Variants in APC observed in about 807,000 individuals in gnomAD.
APC encodes APC regulator of Wnt signaling pathway.
APC carries 72 observed loss-of-function variants against 247.0 expected under a neutral mutation model. The ratio of observed to expected loss-of-function variants is 0.29; its 90% confidence interval spans 0.24 to 0.35. APC has a LOEUF of 0.35. Ranked by LOEUF, APC falls within the 10% of genes least tolerant of loss-of-function variation. The pLI, the probability that APC is intolerant of heterozygous loss-of-function variation, is 1.00. For missense variants in APC, 3,400 were observed against 3,360.7 expected, an observed-to-expected ratio of 1.01 and a Z score of -0.29; for synonymous variants, 1,254 against 1,162.5, an observed-to-expected ratio of 1.08 and a Z score of -1.60.
intron 4 of APC, among the ~76,000 whole-genome samples, chr5:112,774,296 T>G (rs1416738145): frequency 6.6e-6 from 1 of 152,212 alleles, no homozygotes; most frequent in East Asian, 1.9e-4. Flanking sequence ...TCCTAAAGTT[T>G]TTGAGTAACA....
chr5:112,838,646 G>A lies in APC; in HGVS notation c.3052G>A (p.Asp1018Asn), dbSNP rs587778038. 1 of 1,614,172 alleles carries A rather than the reference G, an allele frequency of 6.2e-7. No homozygotes were observed. Among genetic ancestry groups the A allele is most frequent in the Non-Finnish European group, 8.5e-7 (1 of 1,180,022 alleles). The change falls in exon 16 of 16, where the codon GAT (aspartate) becomes AAT (asparagine). Residue 1018 changes from aspartate (D) to asparagine (N), a missense_variant. Coordinates refer to ENST00000257430, the MANE Select transcript of APC (RefSeq NM_000038.6). ...TAGTGCAAATCATATGGATGATAAT[G>A]ATGGAGAACTAGATACACCAATAAA... Reference protein sequence around the residue: ...IHSANHMDDNDGELDTPINYS... With the variant: ...IHSANHMDDNNGELDTPINYS...
intron 4 of APC, among the ~76,000 whole-genome samples, chr5:112,772,714 A>G (rs996897835): frequency 6.6e-6 from 1 of 151,976 alleles, no homozygotes; most frequent in Non-Finnish European, 1.5e-5. Flanking sequence ...ACGGGGTTTC[A>G]CCATGTTGGC....
At position 112,840,147 on chromosome 5, in the gene APC, A is replaced by G. The variant is rs1554085963; in HGVS notation, c.4553A>G (p.Lys1518Arg). The change falls in exon 16 of 16, where the codon AAA becomes AGA. Residue 1518 changes from lysine to arginine, a missense_variant. This residue lies in a region of APC where 1,788 missense variants were observed against 1,649.5 expected (regional missense o/e 1.08). Coordinates refer to ENST00000257430, the MANE Select transcript of APC (RefSeq NM_000038.6). This position sits in a 1 kb window ranked among gnomAD's most constrained non-coding sequence, Gnocchi z 4.1. Reference sequence around the variant, plus strand: ...AGCCTCGATGAGCCATTTATACAGAAAGATGTGGAATTAAGAATAATGCCT... The same window carrying G: ...AGCCTCGATGAGCCATTTATACAGAGAGATGTGGAATTAAGAATAATGCCT... ...ALSLDEPFIQ[K>R]DVELRIMPPV... 6.2e-7 allele frequency: 1 copy of G among 1,614,196 alleles called. No homozygotes were observed. The highest frequency in any genetic ancestry group is 1.1e-5 in the South Asian group (1 of 91,084).
chr5:112,729,089 T>C (rs1032506962), intron 1 of APC, among the ~76,000 whole-genome samples: 4 of 152,226 alleles, frequency 2.6e-5, no homozygotes, highest in Admixed American at 2.0e-4. Context: ...TATTAAAACT[T>C]CTTCTGTAAA....
intron 2 of APC, among the ~76,000 whole-genome samples, chr5:112,757,843 A>G (rs886202115): frequency 6.6e-6 from 1 of 152,222 alleles, no homozygotes; most frequent in African/African-American, 2.4e-5. Context: ...CAGCCAGGGA[A>G]ATAAGTGTTT....
At chr5:112,728,273 G>A (rs74441146) in intron 1 of APC, among the ~76,000 whole-genome samples, 1 of 151,874 alleles carries the variant, frequency 6.6e-6, no homozygotes, top group Admixed American at 6.6e-5. Context: ...GATTACAGGC[G>A]CCCACCACCA....
At chr5:112,711,264 T>A (rs948800613) in intron 1 of APC, among the ~76,000 whole-genome samples, 3 of 152,200 alleles carry the variant, frequency 2.0e-5, no homozygotes, top group Non-Finnish European at 4.4e-5. Context: ...CAGGGTTGCA[T>A]GTTCTTTATG....
intron 1 of APC, among the ~76,000 whole-genome samples, chr5:112,718,122 T>C (rs1561401953): frequency 6.6e-6 from 1 of 152,000 alleles, no homozygotes; most frequent in East Asian, 1.9e-4. Context: ...TTTTACAGTT[T>C]TCAATTTTAA....
intron 15 of APC, among the ~76,000 whole-genome samples, chr5:112,836,283 G>A (rs770347435): frequency 2.7e-5 from 4 of 150,232 alleles, no homozygotes; most frequent in South Asian, 4.2e-4. Flanking sequence ...CGCCCACCTC[G>A]GCCTCCCAAA....
At chr5:112,782,692 A>AT (rs1758481600) in intron 6 of APC, among the ~76,000 whole-genome samples, 1 of 152,222 alleles carries the variant, frequency 6.6e-6, no homozygotes, top group African/African-American at 2.4e-5. Context: ...GAAAATATAC[A>AT]TAAGTATGTT....
chr5:112,783,060 A>G (rs1487953407), intron 6 of APC, among the ~76,000 whole-genome samples: 3 of 152,186 alleles, frequency 2.0e-5, no homozygotes, highest in Non-Finnish European at 4.4e-5. Flanking sequence ...GATACTGTAG[A>G]CATAAGTTAG....
At chr5:112,742,526 C>T (rs1218874054) in intron 1 of APC, among the ~76,000 whole-genome samples, 1 of 152,176 alleles carries the variant, frequency 6.6e-6, no homozygotes, top group Non-Finnish European at 1.5e-5. Flanking sequence ...ATCTGAAGGG[C>T]TTGACTAGAC....
intron 14 of APC, among the ~76,000 whole-genome samples, chr5:112,832,147 T>C (rs1463180229): frequency 6.6e-6 from 1 of 152,242 alleles, no homozygotes; most frequent in Non-Finnish European, 1.5e-5. Flanking sequence ...TTTTGTGTCT[T>C]CTAATTTGAA....
intron 1 of APC, among the ~76,000 whole-genome samples, chr5:112,746,649 C>G: frequency 6.6e-6 from 1 of 152,108 alleles, no homozygotes; most frequent in East Asian, 1.9e-4. Flanking sequence ...CCACTACTAA[C>G]AAAAACTTTA....
chr5:112,783,290 A>G (rs1212872542), intron 6 of APC, among the ~76,000 whole-genome samples: 1 of 152,204 alleles, frequency 6.6e-6, no homozygotes, highest in Non-Finnish European at 1.5e-5. Context: ...GGAATGCCGT[A>G]TCCTTCATTT....
At chr5:112,834,494 CA>C (rs1561567277) in intron 14 of APC, among the ~76,000 whole-genome samples, 1 of 149,592 alleles carries the variant, frequency 6.7e-6, no homozygotes, top group East Asian at 1.9e-4. Context: ...ATCCACCCGT[CA>C]GCCTCCCAAA....
chr5:112,834,919 AATTAGATGACCC>A lies in APC; in HGVS notation c.1744-29_1744-18del. On this transcript the variant is annotated intron_variant, in intron 14 of 15. Transcript: ENST00000257430. ...TTAATGAGAGACAAATTCCAACTCT[AATTAGATGACCC>A]ATATTCTGTTTCTTACTAGGAATCA... The A allele has an allele frequency of 6.3e-7, 1 of 1,577,762 alleles. No homozygotes were observed. Among genetic ancestry groups the A allele is most frequent in the Non-Finnish European group, 8.7e-7 (1 of 1,147,092 alleles).
chr5:112,733,668 C>T (rs1450985542), upstream of APC, among the ~76,000 whole-genome samples: 1 of 152,186 alleles, frequency 6.6e-6, no homozygotes, highest in East Asian at 1.9e-4. Flanking sequence ...GACTTCTGAC[C>T]TACAAAACTG....
Position 112,841,127 on chromosome 5 carries a change from C to T in APC, c.5533C>T (p.His1845Tyr), listed in dbSNP as rs1060503338. 3 of 1,612,390 alleles carry T rather than the reference C, an allele frequency of 1.9e-6. No homozygotes were observed. Among genetic ancestry groups the T allele is most frequent in the African/African-American group, 1.3e-5 (1 of 74,872 alleles). ...AAGTTTTGCTTTTGATTCACCTCAT[C>T]ATTACACGCCTATTGAAGGAACTCC... is the stretch of plus-strand genomic sequence containing the variant. ...RGSFAFDSPH[H>Y]YTPIEGTPYC... Residue 1845 changes from histidine to tyrosine, a missense_variant, in exon 16 of 16, where the codon CAT becomes TAT. By Grantham distance (83) the His-to-Tyr change is moderately conservative. Around this residue, in one of 9 missense-constraint regions of APC, gnomAD observed 1,788 missense variants for 1,649.5 expected, o/e 1.08. Coordinates refer to ENST00000257430, the MANE Select transcript of APC (RefSeq NM_000038.6). This position sits in a 1 kb window ranked among gnomAD's most constrained non-coding sequence, Gnocchi z 4.6.
Sources: gnomAD v4.1 joint callset for allele counts (sites outside exome capture counted in the v4.1 genomes callset) on GRCh38, gnomAD v4.1.1 for gene constraint, gnomAD v4.1.1 regional missense constraint, Gnocchi (gnomAD v3.1) non-coding constraint, MANE v1.5 for transcripts, NCBI Gene and HGNC (gene_info 2026-07-23, HGNC 2026-07-21) for gene names.